Variants in CCDC9 observed in about 807,000 individuals in gnomAD.
The protein encoded by CCDC9 is coiled-coil domain-containing protein 9.
In CCDC9, 52 loss-of-function variants were observed where a neutral mutation model predicts 65.6. That is an observed-to-expected ratio of 0.79 (90% CI 0.63 to 1.00). The LOEUF (loss-of-function observed/expected upper bound fraction) is 1.00. Ranked by LOEUF, CCDC9 falls within the 50% of genes least tolerant of loss-of-function variation. The pLI is 0.00. For missense variants in CCDC9, 834 were observed against 757.2 expected (o/e 1.10, Z -1.19); for synonymous variants, 332 against 280.3 (o/e 1.18, Z -1.84).
intron 8 of CCDC9, among the ~76,000 whole-genome samples, chr19:47,267,890 G>A (rs1357683338): frequency 2.0e-5 from 3 of 151,202 alleles, no homozygotes; most frequent in African/African-American, 4.9e-5. Context: ...CACTGTTGCC[G>A]GGGCTGGAGT....
chr19:47,274,128 C>A, downstream of CCDC9: 1 of 343,378 alleles, frequency 2.9e-6, no homozygotes, highest in Non-Finnish European at 4.1e-6. Context: ...GAAAAGCTGA[C>A]CGTTGGGGAG....
At position 47,266,758 on chromosome 19, in the gene CCDC9, A is replaced by C. The variant is rs10413121; in HGVS notation, c.868A>C (p.Arg290=). ...GCACCGCAAGCCCACTGGCCAGTGG[A>C]GGCGCGAGTGGGATGCCGAGAAGAC... The part of the protein sequence containing the change: ...QRHRKPTGQW[R]REWDAEKTDG... The change falls in exon 8 of 12, where the codon AGG becomes CGG. Residue 290 remains arginine, a synonymous_variant. Transcript: ENST00000221922. 723,593 of 1,608,730 alleles carry C rather than the reference A, an allele frequency of 0.45. 167,549 individuals carry two copies. Among genetic ancestry groups the C allele is most frequent in the East Asian group, 0.66 (29,322 of 44,630 alleles).
chr19:47,269,888 G>GT (rs2123477484), intron 8 of CCDC9, among the ~76,000 whole-genome samples: 1 of 152,090 alleles, frequency 6.6e-6, no homozygotes, highest in Non-Finnish European at 1.5e-5. Flanking sequence ...CCAAATTTTT[G>GT]TTTTGGCGCC....
At chr19:47,274,912 C>T (rs1327167905), downstream of CCDC9, 2 of 1,304,316 alleles carry the variant, frequency 1.5e-6, no homozygotes, top group Non-Finnish European at 9.6e-7. Context: ...GCCGAGTGGG[C>T]TGCGGGGATG....
At chr19:47,261,095 C>G (rs191719657) in intron 5 of CCDC9, among the ~76,000 whole-genome samples, 1 of 152,032 alleles carries the variant, frequency 6.6e-6, no homozygotes, top group Non-Finnish European at 1.5e-5. Context: ...TCTCCTACTC[C>G]TGCTCCCCGT....
intron 8 of CCDC9, 115 bp from the exon 9 acceptor site, chr19:47,270,292 G>A: frequency 1.0e-6 from 1 of 990,258 alleles, no homozygotes; most frequent in Non-Finnish European, 1.6e-6. Flanking sequence ...AGTGTCCCCT[G>A]TCTGGTTGAC....
rs138703482 is a variant in CCDC9, at chr19:47,271,537, G to A, written c.1455G>A (p.Thr485=). The part of the protein sequence containing the change: ...EPLLEPQAPG[T]PSSPFSPPSG... ...TGCTGGAGCCCCAGGCCCCTGGCAC[G>A]CCTTCCAGCCCTTTCTCACCACCCA... is the stretch of plus-strand genomic sequence containing the variant. Residue 485 remains threonine (T), a synonymous_variant, in exon 12 of 12, where the codon ACG becomes ACA. Coordinates refer to ENST00000221922, the MANE Select transcript of CCDC9 (RefSeq NM_015603.3). 2.9e-5 allele frequency: 46 copies of A among 1,612,904 alleles called. No individual in the cohort carries two copies. Among genetic ancestry groups the A allele is most frequent in the Middle Eastern group, 1.8e-4 (1 of 5,588 alleles).
intron 5 of CCDC9, 83 bp from the exon 6 acceptor site, chr19:47,264,520 A>ACT: frequency 7.6e-7 from 1 of 1,317,366 alleles, no homozygotes; most frequent in Non-Finnish European, 1.1e-6. Flanking sequence ...GAGGAGCCTC[A>ACT]GGCCTGCTGG....
downstream of CCDC9, chr19:47,275,472 C>T (rs1425963313): frequency 1.1e-5 from 15 of 1,338,386 alleles, no homozygotes; most frequent in Non-Finnish European, 1.4e-5. Flanking sequence ...TCTCTGGAGC[C>T]GTCATCCCGC....
chr19:47,271,660 G>T lies in CCDC9; in HGVS notation c.1578G>T (p.Trp526Cys), dbSNP rs202085606. The T allele has an allele frequency of 1.3e-6, 2 of 1,595,258 alleles. No homozygotes were observed. The highest frequency in any genetic ancestry group is 2.2e-5 in the South Asian group (2 of 90,054). The change falls in exon 12 of 12, where the codon TGG becomes TGT. Residue 526 changes from tryptophan to cysteine, a missense_variant. Physicochemically the swap from Trp to Cys is radical, Grantham distance 215 (BLOSUM62 -2). Coordinates refer to ENST00000221922, the MANE Select transcript of CCDC9 (RefSeq NM_015603.3). ...GCGCCCTCTCCCCGGGTGAGGCCTG[G>T]CCTTTTGAGAGTGTATGAAGCTGGC... ...LAGALSPGEA[W>C]PFESV
chr19:47,275,490 G>A (rs1362903904), downstream of CCDC9: 6 of 1,221,194 alleles, frequency 4.9e-6, no homozygotes, highest in Admixed American at 3.2e-5. Flanking sequence ...CGCGGAATGG[G>A]GGCCCAGGGG....
At position 47,271,475 on chromosome 19, in the gene CCDC9, C is replaced by T; in HGVS notation, c.1393C>T (p.Gln465Ter). 1.2e-6 allele frequency: 2 copies of T among 1,613,448 alleles called. No homozygotes were observed. Among genetic ancestry groups the T allele is most frequent in the Non-Finnish European group, 1.7e-6 (2 of 1,179,848 alleles). The change falls in exon 12 of 12, where the codon CAG (glutamine) becomes TAG (stop). Residue 465 changes from glutamine to a stop codon, truncating the protein, a stop_gained. Coordinates refer to ENST00000221922, the MANE Select transcript of CCDC9 (RefSeq NM_015603.3). LOFTEE classifies it high-confidence loss of function. Reference sequence around the variant, plus strand: ...CCCCACCGGGATCCCCTGCAGTGAGCAGGCCCACGGAGTCCCCTTCAGTCC... The same window carrying T: ...CCCCACCGGGATCCCCTGCAGTGAGTAGGCCCACGGAGTCCCCTTCAGTCC... ...AAPTGIPCSE[Q>*]AHGVPFSPEE...
intron 8 of CCDC9, among the ~76,000 whole-genome samples, chr19:47,267,050 C>T (rs541588102): frequency 6.6e-6 from 1 of 151,952 alleles, no homozygotes; most frequent in South Asian, 2.1e-4. Context: ...CCGCAAGCTC[C>T]GCCTCCCAGG....
At chr19:47,260,972 C>T (rs1001580737) in intron 5 of CCDC9, 133 bp downstream of exon 5, 4 of 998,334 alleles carry the variant, frequency 4.0e-6, no homozygotes, top group South Asian at 1.7e-5. Context: ...TTGCATCTGG[C>T]TCTGTTTCTC....
intron 1 of CCDC9, chr19:47,257,576 G>GGGCCT (rs1400621718): frequency 6.6e-6 from 1 of 152,490 alleles, no homozygotes; most frequent in African/African-American, 2.4e-5. Flanking sequence ...AATCTGGGGC[G>GGGCCT]GGCCTGGGTA....
At chr19:47,260,194 CCTTCTTGTT>C in intron 3 of CCDC9, 118 bp from the exon 4 acceptor site, 1 of 660,022 alleles carries the variant, frequency 1.5e-6, no homozygotes, top group South Asian at 1.8e-5. Context: ...ATATGAGCGG[CCTTCTTGTT>C]CAGAGTCCAG....
At chr19:47,273,429 CG>C, downstream of CCDC9, 1 of 1,228,650 alleles carries the variant, frequency 8.1e-7, no homozygotes, top group Non-Finnish European at 1.0e-6. Context: ...AAGGTGGTGG[CG>C]GCCCCTCCGC....
At chr19:47,275,572 C>A, downstream of CCDC9, 1 of 591,220 alleles carries the variant, frequency 1.7e-6, no homozygotes, top group Non-Finnish European at 2.9e-6. Flanking sequence ...CAGGAAGATC[C>A]CATCCTGAGC....
downstream of CCDC9, among the ~76,000 whole-genome samples, chr19:47,272,878 C>G (rs1010626008): frequency 1.3e-5 from 2 of 152,136 alleles, no homozygotes; most frequent in South Asian, 2.1e-4. Flanking sequence ...AGTAAGATTT[C>G]GAATCTCAGA....
Sources: gnomAD v4.1 joint callset for allele counts (sites outside exome capture counted in the v4.1 genomes callset) on GRCh38, gnomAD v4.1.1 for gene constraint, MANE v1.5 for transcripts, NCBI Gene and HGNC (gene_info 2026-07-23, HGNC 2026-07-21) for gene names.